Variants in ZNF536 observed in about 807,000 individuals in gnomAD.
The protein encoded by ZNF536 is zinc finger protein 536.
In ZNF536, 13 loss-of-function variants were observed where a neutral mutation model predicts 84.5. That is an observed-to-expected ratio of 0.15 (90% CI 0.10 to 0.24). ZNF536 has a LOEUF of 0.24. Among genes scored for constraint, ZNF536 ranks in the 10% least tolerant of loss-of-function variants. The pLI, the probability that ZNF536 is intolerant of heterozygous loss-of-function variation, is 1.00. For missense variants in ZNF536, 1,536 were observed against 1,747.5 expected (o/e 0.88, Z 2.16); for synonymous variants, 811 against 742.5 (o/e 1.09, Z -1.50).
At chr19:30,598,404 C>A (rs958305496) in intron 1 of ZNF536, among the ~76,000 whole-genome samples, 4 of 152,116 alleles carry the variant, frequency 2.6e-5, no homozygotes, top group Non-Finnish European at 5.9e-5. Flanking sequence ...TGGGTGCCCA[C>A]GAAATCCCCT....
intron 1 of ZNF536, among the ~76,000 whole-genome samples, chr19:30,606,358 T>G (rs2047892060): frequency 6.6e-6 from 1 of 151,680 alleles, no homozygotes; most frequent in African/African-American, 2.4e-5. Flanking sequence ...CTCTTAAGGC[T>G]TTGAAAGGGA....
In ZNF536 at chr19:30,445,574, G is replaced by A. The variant is rs369935263; in HGVS notation, c.2012G>A (p.Arg671Gln). ...EDGLHVGLDE[R>Q]RGSGSDQESQ... ...GGGCTGCACGTGGGCCTGGATGAGC[G>A]GCGTGGCTCGGGCAGTGACCAGGAG... Residue 671 changes from arginine to glutamine, a missense_variant, in exon 2 of 5, where the codon CGG (arginine) becomes CAG (glutamine). Around this residue, in one of 8 missense-constraint regions of ZNF536, gnomAD observed 366 missense variants for 364.4 expected, o/e 1.00. Coordinates refer to ENST00000355537, the MANE Select transcript of ZNF536 (RefSeq NM_014717.3). This position sits in a 1 kb window ranked among gnomAD's most constrained non-coding sequence, Gnocchi z 4.5. The A allele has an allele frequency of 4.3e-6, 7 of 1,613,202 alleles. No homozygotes were observed. In the African/African-American group the frequency reaches 6.7e-5, roughly 15 times the overall value.
At chr19:30,426,861 T>TGAGGG (rs2147922841) in intron 1 of ZNF536, among the ~76,000 whole-genome samples, 1 of 152,236 alleles carries the variant, frequency 6.6e-6, no homozygotes, top group East Asian at 1.9e-4. Context: ...AGGGTAGAGG[T>TGAGGG]GAGGGCATTC....
At chr19:30,310,183 A>T (rs1171104055) in intron 2 of ZNF536, among the ~76,000 whole-genome samples, 2 of 152,228 alleles carry the variant, frequency 1.3e-5, no homozygotes, top group Non-Finnish European at 2.9e-5. Flanking sequence ...AGACTGTGTC[A>T]AATGAAGGTA....
At chr19:30,384,490 G>A (rs1457943808) in intron 1 of ZNF536, among the ~76,000 whole-genome samples, 1 of 151,570 alleles carries the variant, frequency 6.6e-6, no homozygotes, top group East Asian at 2.0e-4. Context: ...GATCCCAGTG[G>A]GCTGGCACAA....
chr19:30,353,834 T>C (rs563034385), intron 3 of ZNF536, among the ~76,000 whole-genome samples: 2 of 152,308 alleles, frequency 1.3e-5, no homozygotes, highest in South Asian at 2.1e-4. Context: ...GCTACATTGA[T>C]GGTGAGGATT....
intron 2 of ZNF536, among the ~76,000 whole-genome samples, chr19:30,301,364 G>A (rs12985377): frequency 0.027 from 4,161 of 152,290 alleles, 92 homozygotes; most frequent in Non-Finnish European, 0.037. Flanking sequence ...ATGGGGTAGC[G>A]GCGATGCGGA....
At chr19:30,402,822 T>TATATATATATATATATATATA (rs1331644147) in intron 1 of ZNF536, among the ~76,000 whole-genome samples, 1 of 142,558 alleles carries the variant, frequency 7.0e-6, no homozygotes, top group Non-Finnish European at 1.5e-5. Flanking sequence ...TATATATATA[T>TATATATATATATATATATATA]AATTTTCAAA....
At chr19:30,686,016 C>T (rs1156303584) in intron 1 of ZNF536, among the ~76,000 whole-genome samples, 3 of 152,226 alleles carry the variant, frequency 2.0e-5, no homozygotes, top group African/African-American at 7.2e-5. Flanking sequence ...GGGCAGGGGC[C>T]AGAGAAACTT....
chr19:30,441,379 G>C (rs919064449), intron 1 of ZNF536, among the ~76,000 whole-genome samples: 7 of 152,254 alleles, frequency 4.6e-5, no homozygotes, highest in Admixed American at 6.5e-5. Flanking sequence ...GGTGGAGAGA[G>C]GGTGCCAGAC....
intron 1 of ZNF536, among the ~76,000 whole-genome samples, chr19:30,635,704 C>G (rs1312498346): frequency 6.6e-6 from 1 of 152,224 alleles, no homozygotes; most frequent in Middle Eastern, 3.2e-3. Flanking sequence ...AGCTGCCCTC[C>G]TTGTGGATGG....
At chr19:30,568,257 T>G (rs995636567) in intron 1 of ZNF536, among the ~76,000 whole-genome samples, 9 of 152,178 alleles carry the variant, frequency 5.9e-5, no homozygotes, top group African/African-American at 1.9e-4. Flanking sequence ...AAACAGCTCC[T>G]GATATGTGAA....
At chr19:30,348,676 A>G (rs1383619718) in intron 2 of ZNF536, among the ~76,000 whole-genome samples, 1 of 152,168 alleles carries the variant, frequency 6.6e-6, no homozygotes, top group East Asian at 1.9e-4. Context: ...GAGTCTCATG[A>G]GGGATGCACA....
intron 3 of ZNF536, among the ~76,000 whole-genome samples, chr19:30,357,697 T>G (rs2048143331): frequency 6.6e-6 from 1 of 152,026 alleles, no homozygotes; most frequent in Admixed American, 6.6e-5. Context: ...GCCCGGTAGC[T>G]CCTCAGGCCC....
Position 30,524,065 on chromosome 19 carries a change from G to A in ZNF536, c.2171-10782G>A, listed in dbSNP as rs371229009. ...CCGTGCCCAGGCCAGCCAATCCGAC[G>A]GCGGCAGGCTCACAAGCCATTTCAT... On this transcript the variant is annotated intron_variant, in intron 2 of 4. Transcript: ENST00000355537. 1.6e-4 allele frequency among the ~76,000 whole-genome samples: 25 copies of A among 152,288 alleles called. No individual in the cohort carries two copies. In the East Asian group the frequency reaches 2.1e-3, roughly 13 times the overall value.
At chr19:30,529,365 A>G (rs1440628265) in intron 2 of ZNF536, among the ~76,000 whole-genome samples, 1 of 152,156 alleles carries the variant, frequency 6.6e-6, no homozygotes, top group Non-Finnish European at 1.5e-5. Flanking sequence ...GTGTTTTCTA[A>G]GTATCGGGGC....
At chr19:30,645,253 A>G (rs1033743698) in intron 1 of ZNF536, among the ~76,000 whole-genome samples, 2 of 152,086 alleles carry the variant, frequency 1.3e-5, no homozygotes, top group African/African-American at 4.8e-5. Context: ...AGTTCATTGT[A>G]GATTCTGGAT....
At chr19:30,284,871 A>AT (rs5827700) in intron 2 of ZNF536, among the ~76,000 whole-genome samples, 6 of 151,432 alleles carry the variant, frequency 4.0e-5, no homozygotes, top group Admixed American at 6.6e-5. Context: ...CTGAATATAT[A>AT]TTTTTTTTTA....
intron 1 of ZNF536, among the ~76,000 whole-genome samples, chr19:30,565,699 CCCA>C (rs1408983559): frequency 3.3e-5 from 5 of 152,166 alleles, no homozygotes; most frequent in Admixed American, 3.3e-4. Context: ...CTCCCACATC[CCCA>C]CCTTCTGTCA....
Sources: gnomAD v4.1 joint callset for allele counts (sites outside exome capture counted in the v4.1 genomes callset) on GRCh38, gnomAD v4.1.1 for gene constraint, gnomAD v4.1.1 regional missense constraint, Gnocchi (gnomAD v3.1) non-coding constraint, MANE v1.5 for transcripts, NCBI Gene and HGNC (gene_info 2026-07-23, HGNC 2026-07-21) for gene names.